The following TRAPPC10 variants were observed in gnomAD, a reference collection of about 807,000 sequenced individuals.
TRAPPC10 encodes TRAPP 130 kDa subunit.
TRAPPC10 carries 23 observed loss-of-function variants against 125.5 expected under a neutral mutation model. The observed-to-expected ratio is 0.18, with a 90% CI of 0.13 to 0.26. The LOEUF is 0.26. Among genes scored for constraint, TRAPPC10 ranks in the 10% least tolerant of loss-of-function variants. The pLI is 1.00. For synonymous variants in TRAPPC10, 509 were observed against 518.0 expected (o/e 0.98, Z 0.24); for missense variants, 1,123 against 1,308.4 (o/e 0.86, Z 2.19).
At chr21:44,077,596 C>G in intron 10 of TRAPPC10, 97 bp from the exon 11 acceptor site, 1 of 982,062 alleles carries the variant, frequency 1.0e-6, no homozygotes. Flanking sequence ...AAACAAAAAC[C>G]CAACAATGTC....
At chr21:44,028,669 A>T (rs2033291429) in intron 1 of TRAPPC10, among the ~76,000 whole-genome samples, 1 of 152,222 alleles carries the variant, frequency 6.6e-6, no homozygotes, top group South Asian at 2.1e-4. Flanking sequence ...TTATTTTGAT[A>T]GATCTCCTCT....
chr21:44,068,853 C>T (rs745746477), intron 7 of TRAPPC10, among the ~76,000 whole-genome samples: 2 of 152,142 alleles, frequency 1.3e-5, no homozygotes, highest in African/African-American at 2.4e-5. Flanking sequence ...CTACCCTCCT[C>T]AGCCTCCCGA....
At position 44,086,911 on chromosome 21, in the gene TRAPPC10, C is replaced by T. The variant is rs547456871; in HGVS notation, c.2490C>T (p.Leu830=). The change falls in exon 16 of 23, where the codon CTC becomes CTT. Residue 830 remains leucine (L), a synonymous_variant. Transcript: ENST00000291574. ...AGCTTAGCAATGCCGAAGCCATGCT[C>T]ATCCTGTGCCAGGCGGAGAGCAGGG... ...SLQLSNAEAM[L]ILCQAESRAV... is the part of the protein sequence containing the mutation. 3.0e-5 allele frequency: 48 copies of T among 1,614,214 alleles called. 1 individual carries two copies. The highest frequency in any genetic ancestry group is 4.0e-5 in the Non-Finnish European group (47 of 1,180,048).
intron 13 of TRAPPC10, 105 bp downstream of exon 13, chr21:44,080,232 T>G (rs1193064855): frequency 9.7e-7 from 1 of 1,029,134 alleles, no homozygotes; most frequent in African/African-American, 1.6e-5. Flanking sequence ...TTGCTAACAT[T>G]TTGCTGTGTA....
At chr21:44,091,865 GA>G in intron 18 of TRAPPC10, 57 bp from the exon 19 acceptor site, 5 of 1,546,978 alleles carry the variant, frequency 3.2e-6, no homozygotes, top group Non-Finnish European at 4.4e-6. Flanking sequence ...ACAAAGCTAA[GA>G]TATATTTAAT....
intron 7 of TRAPPC10, among the ~76,000 whole-genome samples, chr21:44,073,526 C>T (rs1569196891): frequency 6.7e-6 from 1 of 150,068 alleles, no homozygotes; most frequent in African/African-American, 2.5e-5. Context: ...ATAGTGTTTT[C>T]TTTTTTTTGT....
intron 17 of TRAPPC10, chr21:44,089,594 T>G: frequency 1.8e-6 from 1 of 553,682 alleles, no homozygotes; most frequent in Non-Finnish European, 3.5e-6. Context: ...ACTCTGGTGA[T>G]GTGTGCATGT....
chr21:44,015,708 G>A lies in TRAPPC10; in HGVS notation c.67+3148G>A, dbSNP rs553720701. 5.9e-5 allele frequency among the ~76,000 whole-genome samples: 9 copies of A among 151,358 alleles called. No individual in the cohort carries two copies. In the East Asian group the frequency reaches 9.7e-4, roughly 16 times the overall value. ...CGGCTCACTGCAACTTCTGCCTCCC[G>A]GGTTCAGTCGATTCTCCTGCCTCAG... On this transcript the variant is annotated intron_variant, in intron 1 of 22. Coordinates refer to ENST00000291574, the MANE Select transcript of TRAPPC10 (RefSeq NM_003274.5).
At chr21:44,044,286 C>CTT (rs11423988) in intron 3 of TRAPPC10, among the ~76,000 whole-genome samples, 2 of 150,694 alleles carry the variant, frequency 1.3e-5, no homozygotes, top group East Asian at 1.9e-4. Context: ...TTGAATGAGA[C>CTT]TTTTTTCCTT....
In TRAPPC10 at chr21:44,059,659, A is replaced by G; in HGVS notation, c.790+445A>G. On this transcript the variant is annotated intron_variant, in intron 6 of 22. Coordinates refer to ENST00000291574, the MANE Select transcript of TRAPPC10 (RefSeq NM_003274.5). This position sits in a 1 kb window ranked among gnomAD's most constrained non-coding sequence, Gnocchi z 4.4. ...TTTTGCACTTTTAAATAATATCTTA[A>G]GCTCCTTTACAATTAAAGAATTAGC... is the stretch of plus-strand genomic sequence containing the variant. 1 of 573,742 alleles carries G rather than the reference A, an allele frequency of 1.7e-6. No homozygotes were observed. Among genetic ancestry groups the G allele is most frequent in the Non-Finnish European group, 3.1e-6 (1 of 318,884 alleles). 35.5% of individuals were successfully genotyped at this position (573,742 alleles called of 1,614,324 possible). A position where few individuals can be genotyped will look rare whatever the true frequency, so the allele number is the denominator to read the frequency against.
intron 4 of TRAPPC10, among the ~76,000 whole-genome samples, chr21:44,055,472 T>G (rs1313899033): frequency 6.6e-6 from 1 of 151,480 alleles, no homozygotes; most frequent in African/African-American, 2.4e-5. Flanking sequence ...GTGCCTGTGA[T>G]CCCAGCTACT....
Position 44,063,438 on chromosome 21 carries a change from T to A in TRAPPC10, c.791-100T>A. 13 of 1,519,856 alleles carry A rather than the reference T, an allele frequency of 8.6e-6. No individual in the cohort carries two copies. Among genetic ancestry groups the A allele is most frequent in the East Asian group, 2.3e-5 (1 of 44,332 alleles). The allele number at this position is 1,519,856 out of a possible 1,614,324, so 94.1% of individuals were successfully genotyped here. On this transcript the variant is annotated intron_variant, in intron 6 of 22. Transcript: ENST00000291574. This position sits in a 1 kb window ranked among gnomAD's most constrained non-coding sequence, Gnocchi z 4.4. ...GGCCAGTGTTCATAGAAAAACTGGTTATGAAGCTGCCTGTTTGCCCACCAT... is the reference window on the plus strand; with the variant it reads ...GGCCAGTGTTCATAGAAAAACTGGTAATGAAGCTGCCTGTTTGCCCACCAT...
At chr21:44,030,834 T>TA (rs2033515153) in intron 1 of TRAPPC10, among the ~76,000 whole-genome samples, 1 of 152,208 alleles carries the variant, frequency 6.6e-6, no homozygotes, top group Non-Finnish European at 1.5e-5. Flanking sequence ...AGTTCAAACA[T>TA]ACTGTTTTTG....
At position 44,079,663 on chromosome 21, in the gene TRAPPC10, G is replaced by T. The variant is rs1451721198; in HGVS notation, c.1569G>T (p.Lys523Asn). ...GWALPITHTR[K>N]QLAECQKHLG... is the part of the protein sequence containing the mutation. ...CACTCCCCATCACACACACAAGGAAGCAGCTGGCCGAATGTCAAAAGCACC... is the reference window on the plus strand; with the variant it reads ...CACTCCCCATCACACACACAAGGAATCAGCTGGCCGAATGTCAAAAGCACC... The change falls in exon 12 of 23, where the codon AAG (lysine) becomes AAT (asparagine). Residue 523 changes from lysine (K) to asparagine (N), a missense_variant. By Grantham distance (94) the Lys-to-Asn change is moderately conservative. Transcript: ENST00000291574. 12 of 1,609,324 alleles carry T rather than the reference G, an allele frequency of 7.5e-6. No homozygotes were observed. Among genetic ancestry groups the T allele is most frequent in the Non-Finnish European group, 9.3e-6 (11 of 1,178,874 alleles).
chr21:44,016,495 C>G (rs748962631), intron 1 of TRAPPC10, among the ~76,000 whole-genome samples: 1 of 152,178 alleles, frequency 6.6e-6, no homozygotes, highest in Admixed American at 6.5e-5. Flanking sequence ...TCATTAGTCA[C>G]ATCTGTTGCC....
At chr21:44,094,860 G>T (rs1261761565) in intron 20 of TRAPPC10, among the ~76,000 whole-genome samples, 3 of 151,950 alleles carry the variant, frequency 2.0e-5, no homozygotes, top group African/African-American at 7.3e-5. Context: ...TTTATTTGAA[G>T]TGTTTGTCTT....
chr21:44,080,809 G>A (rs2037651674), intron 13 of TRAPPC10, among the ~76,000 whole-genome samples: 1 of 151,086 alleles, frequency 6.6e-6, no homozygotes, highest in Admixed American at 6.6e-5. Context: ...AAAGGGCTGG[G>A]ATTACAGATG....
At position 44,047,565 on chromosome 21, in the gene TRAPPC10, T is replaced by TGC. The variant is rs58154844; in HGVS notation, c.286-4710_286-4709dup. On this transcript the variant is annotated intron_variant, in intron 3 of 22. Transcript: ENST00000291574. ...GTGTGTGTGTGTGTGTGTGTGTGTG[T>TGC]GCGCGCACACGCTACATGAAGTTCC... Among the ~76,000 whole-genome samples the TGC allele has an allele frequency of 4.8e-3, 706 of 147,164 alleles. 6 individuals are homozygous for TGC. Among genetic ancestry groups the TGC allele is most frequent in the Middle Eastern group, 7.0e-3 (2 of 284 alleles).
At chr21:44,031,968 T>C (rs2033615412) in intron 1 of TRAPPC10, 123 bp from the exon 2 acceptor site, 4 of 763,936 alleles carry the variant, frequency 5.2e-6, no homozygotes, top group African/African-American at 3.5e-5. Context: ...TACAGAAGAA[T>C]CTTGCGATAT....
Sources: gnomAD v4.1 joint callset for allele counts (sites outside exome capture counted in the v4.1 genomes callset) on GRCh38, gnomAD v4.1.1 for gene constraint, Gnocchi (gnomAD v3.1) non-coding constraint, MANE v1.5 for transcripts, NCBI Gene and HGNC (gene_info 2026-07-23, HGNC 2026-07-21) for gene names.